Variants in GRID2 observed in about 807,000 individuals in gnomAD.
The protein encoded by GRID2 is glutamate receptor ionotropic, delta-2.
In GRID2, 33 loss-of-function variants were observed where a neutral mutation model predicts 114.8. That is an observed-to-expected ratio of 0.29 (90% CI 0.22 to 0.38). GRID2 has a LOEUF of 0.38. Ranked by LOEUF, GRID2 falls within the 10% of genes least tolerant of loss-of-function variation. The pLI is 1.00. For missense variants in GRID2, 1,184 were observed against 1,257.7 expected (o/e 0.94, Z 0.89); for synonymous variants, 505 against 449.9 (o/e 1.12, Z -1.55).
At chr4:93,067,166 A>T (rs912396748) in intron 2 of GRID2, among the ~76,000 whole-genome samples, 1 of 152,058 alleles carries the variant, frequency 6.6e-6, no homozygotes, top group African/African-American at 2.4e-5. Context: ...TGATGACTGC[A>T]TTACAAGTTG....
chr4:92,415,855 G>T (rs1731589147), intron 1 of GRID2, among the ~76,000 whole-genome samples: 1 of 147,740 alleles, frequency 6.8e-6, no homozygotes, highest in South Asian at 2.2e-4. Flanking sequence ...GAATTGTGCT[G>T]CTGTAAACAT....
intron 4 of GRID2, among the ~76,000 whole-genome samples, chr4:93,136,965 C>A (rs1735315095): frequency 6.6e-6 from 1 of 152,130 alleles, no homozygotes; most frequent in Non-Finnish European, 1.5e-5. Flanking sequence ...GTGGCCTCTT[C>A]TATTGCATAG....
At chr4:92,515,365 A>T (rs1441686095) in intron 1 of GRID2, among the ~76,000 whole-genome samples, 1 of 151,936 alleles carries the variant, frequency 6.6e-6, no homozygotes, top group Non-Finnish European at 1.5e-5. Flanking sequence ...CTATCAACTA[A>T]AATAGACAAC....
chr4:93,225,737 A>G (rs1745411078), intron 7 of GRID2, among the ~76,000 whole-genome samples: 1 of 152,204 alleles, frequency 6.6e-6, no homozygotes. Flanking sequence ...TAAATAGAGA[A>G]TAGCCTGGAT....
At chr4:92,784,454 T>TA (rs1429345379) in intron 2 of GRID2, among the ~76,000 whole-genome samples, 3 of 151,828 alleles carry the variant, frequency 2.0e-5, no homozygotes, top group African/African-American at 7.2e-5. Flanking sequence ...ATATTTTATC[T>TA]AATATGCATT....
chr4:92,882,942 G>T (rs567230276), intron 2 of GRID2, among the ~76,000 whole-genome samples: 87 of 152,224 alleles, frequency 5.7e-4, no homozygotes, highest in Non-Finnish European at 1.1e-3. Context: ...AGTAGTGGTT[G>T]CTGAAGGTCG....
chr4:92,664,602 C>T (rs973257501), intron 2 of GRID2, among the ~76,000 whole-genome samples: 2 of 151,088 alleles, frequency 1.3e-5, no homozygotes, highest in Non-Finnish European at 3.0e-5. Context: ...TACTTATCTT[C>T]TGTCTGGTTG....
intron 13 of GRID2, among the ~76,000 whole-genome samples, chr4:93,570,909 A>G (rs1735872840): frequency 6.6e-6 from 1 of 152,112 alleles, no homozygotes. Flanking sequence ...ACAAAATGGT[A>G]AATGGAGGCA....
chr4:93,148,219 C>A lies in GRID2; in HGVS notation c.735+37266C>A, dbSNP rs1033526977. ...AACCCAGCTGACATCTGCCATATGC[C>A]TCTGAATAAGTGAGTTAACTTTTCT... On this transcript the variant is annotated intron_variant, in intron 4 of 15. Coordinates refer to ENST00000282020, the MANE Select transcript of GRID2 (RefSeq NM_001510.4). Among the ~76,000 whole-genome samples, 9 of 152,258 alleles carry A rather than the reference C, an allele frequency of 5.9e-5. No homozygotes were observed. The East Asian group carries it at 1.7e-3, about 29-fold the overall frequency.
intron 12 of GRID2, among the ~76,000 whole-genome samples, chr4:93,494,171 TG>T (rs1231137392): frequency 6.6e-6 from 1 of 152,002 alleles, no homozygotes; most frequent in East Asian, 1.9e-4. Flanking sequence ...TTCAATGTCA[TG>T]CTTCTTAATC....
At chr4:92,315,696 C>A (rs1310383724) in intron 1 of GRID2, among the ~76,000 whole-genome samples, 1 of 152,078 alleles carries the variant, frequency 6.6e-6, no homozygotes, top group African/African-American at 2.4e-5. Context: ...CCTGGCCATG[C>A]ACGGTGGCTC....
At chr4:93,466,307 C>T (rs1245045232) in intron 11 of GRID2, among the ~76,000 whole-genome samples, 2 of 152,080 alleles carry the variant, frequency 1.3e-5, no homozygotes, top group Admixed American at 1.3e-4. Flanking sequence ...GGCAGGCAAG[C>T]CCCGAAGTGG....
intron 4 of GRID2, among the ~76,000 whole-genome samples, chr4:93,200,776 A>G (rs1742020257): frequency 6.6e-6 from 1 of 152,212 alleles, no homozygotes; most frequent in South Asian, 2.1e-4. Flanking sequence ...GTGTGGCTAA[A>G]TTAACATTGA....
chr4:92,638,788 A>G (rs1008687720), intron 2 of GRID2, among the ~76,000 whole-genome samples: 5 of 150,836 alleles, frequency 3.3e-5, no homozygotes, highest in African/African-American at 1.2e-4. Flanking sequence ...AATATTAAAA[A>G]TTTTAATATT....
At chr4:93,217,843 A>C (rs985151164) in intron 6 of GRID2, among the ~76,000 whole-genome samples, 1 of 152,122 alleles carries the variant, frequency 6.6e-6, no homozygotes, top group Non-Finnish European at 1.5e-5. Flanking sequence ...GCAAATATTA[A>C]AGTCATGGCC....
At chr4:92,380,047 A>G (rs1283382323) in intron 1 of GRID2, among the ~76,000 whole-genome samples, 2 of 152,006 alleles carry the variant, frequency 1.3e-5, no homozygotes, top group Admixed American at 6.6e-5. Context: ...ATTTTAGTTT[A>G]AAGTATACAT....
intron 8 of GRID2, among the ~76,000 whole-genome samples, chr4:93,307,435 C>T (rs1755554497): frequency 6.6e-6 from 1 of 151,632 alleles, no homozygotes; most frequent in Admixed American, 6.6e-5. Context: ...CCTAAACAAT[C>T]TTAGAATGTA....
intron 1 of GRID2, among the ~76,000 whole-genome samples, chr4:93,790,017 A>G (rs1164910778): frequency 6.6e-6 from 1 of 152,000 alleles, no homozygotes; most frequent in Non-Finnish European, 1.5e-5. Context: ...TCCTTAGGAG[A>G]ATCTCATGTC....
chr4:93,443,252 T>C (rs148005343), intron 10 of GRID2, among the ~76,000 whole-genome samples: 1 of 152,154 alleles, frequency 6.6e-6, no homozygotes, highest in Non-Finnish European at 1.5e-5. Flanking sequence ...CCTTCAACTC[T>C]AATTTACATA....
Sources: allele counts gnomAD v4.1 joint callset (sites outside exome capture counted in the v4.1 genomes callset), GRCh38; gene constraint gnomAD v4.1.1; transcripts MANE v1.5; gene names NCBI Gene and HGNC (gene_info 2026-07-23, HGNC 2026-07-21).